ENPP3: variants seen among roughly 807,000 people sequenced by gnomAD.
ENPP3 encodes ectonucleotide pyrophosphatase/phosphodiesterase 3.
In ENPP3, 104 loss-of-function variants were observed where a neutral mutation model predicts 117.8. The ratio of observed to expected loss-of-function variants is 0.88; its 90% CI spans 0.75 to 1.04. The LOEUF (loss-of-function observed/expected upper bound fraction) is 1.04. Among genes scored for constraint, ENPP3 ranks in the 50% least tolerant of loss-of-function variants. ENPP3 has a pLI of 0.00. For missense variants in ENPP3, 1,026 were observed against 1,051.9 expected (o/e 0.98, Z 0.34); for synonymous variants, 380 against 349.9 (o/e 1.09, Z -0.96).
At position 131,674,529 on chromosome 6, in the gene ENPP3, A is replaced by G. The variant is rs1466226918; in HGVS notation, c.762+248A>G. 3 of 499,856 alleles carry G rather than the reference A, an allele frequency of 6.0e-6. No homozygotes were observed. In the East Asian group the frequency reaches 1.1e-4, roughly 18 times the overall value. 31.0% of individuals were successfully genotyped at this position (499,856 alleles called of 1,614,324 possible). Reference sequence around the variant, plus strand: ...GTATCCATCTGGAAGTTACTCAGAAAGATTATCTGTTAATGTTTTTCCTCA... The same window carrying G: ...GTATCCATCTGGAAGTTACTCAGAAGGATTATCTGTTAATGTTTTTCCTCA... On this transcript the variant is annotated intron_variant, in intron 8 of 24. Transcript: ENST00000357639.
At chr6:131,745,601 A>T (rs528599250) in intron 24 of ENPP3, among the ~76,000 whole-genome samples, 2 of 152,264 alleles carry the variant, frequency 1.3e-5, no homozygotes, top group Non-Finnish European at 2.9e-5. Context: ...TAACTTTCAT[A>T]TTGTAAAAAA....
intron 11 of ENPP3, among the ~76,000 whole-genome samples, chr6:131,682,423 G>C (rs1779042416): frequency 6.6e-6 from 1 of 152,148 alleles, no homozygotes; most frequent in South Asian, 2.1e-4. Context: ...TAGTCCATAA[G>C]ATCAAAGCTG....
chr6:131,720,997 A>T (rs1010834065), intron 17 of ENPP3, among the ~76,000 whole-genome samples: 6 of 152,200 alleles, frequency 3.9e-5, no homozygotes, highest in Admixed American at 3.3e-4. Context: ...TTTTCAAAGC[A>T]AGACAAACTT....
At chr6:131,717,351 G>GTGTGT (rs1779917504) in intron 15 of ENPP3, among the ~76,000 whole-genome samples, 28 of 89,426 alleles carry the variant, frequency 3.1e-4, no homozygotes, top group Non-Finnish European at 3.6e-4. Flanking sequence ...CCCTGCGGGG[G>GTGTGT]GTGTGTGTGT....
At chr6:131,642,565 C>T (rs1375072880) in intron 2 of ENPP3, among the ~76,000 whole-genome samples, 2 of 151,738 alleles carry the variant, frequency 1.3e-5, no homozygotes, top group Admixed American at 6.6e-5. Context: ...CATTCATGTC[C>T]CCCCGCTTTT....
intron 6 of ENPP3, among the ~76,000 whole-genome samples, chr6:131,665,281 C>T (rs1326408033): frequency 2.6e-5 from 4 of 152,046 alleles, no homozygotes; most frequent in African/African-American, 9.7e-5. Flanking sequence ...AAAGCATTCT[C>T]TTGGTCTTCA....
intron 2 of ENPP3, among the ~76,000 whole-genome samples, chr6:131,646,215 G>T (rs1244613264): frequency 1.3e-5 from 2 of 150,786 alleles, no homozygotes; most frequent in African/African-American, 4.9e-5. Flanking sequence ...AAAAATTATA[G>T]TTCTCTTTCT....
rs367755420 is a variant in ENPP3 at position 131,722,381 on chromosome 6, C to T, written c.1722C>T (p.Asp574=). ...FANPLPTESL[D]CFCPHLQNST... is the part of the protein sequence containing the mutation. ...ATCCATTGCCCACAGAGTCTCTTGA[C>T]TGTTTCTGCCCTCACCTACAAAATG... Residue 574 remains aspartate (D), a synonymous_variant, in exon 18 of 25, where the codon GAC becomes GAT. Transcript: ENST00000357639. The T allele has an allele frequency of 1.2e-6, 2 of 1,613,924 alleles. No homozygotes were observed.
chr6:131,731,427 C>T (rs1481957104), intron 20 of ENPP3, among the ~76,000 whole-genome samples: 5 of 152,192 alleles, frequency 3.3e-5, no homozygotes, highest in African/African-American at 7.2e-5. Context: ...TCTAATCTGA[C>T]TCAGCATATA....
At chr6:131,649,673 A>G (rs1311871087) in intron 2 of ENPP3, among the ~76,000 whole-genome samples, 1 of 152,166 alleles carries the variant, frequency 6.6e-6, no homozygotes, top group Non-Finnish European at 1.5e-5. Flanking sequence ...CTCCTGCCTC[A>G]GTCTCCCAAG....
intron 2 of ENPP3, among the ~76,000 whole-genome samples, chr6:131,646,243 A>G (rs1169422296): frequency 3.3e-5 from 5 of 150,212 alleles, no homozygotes; most frequent in Admixed American, 3.3e-4. Flanking sequence ...TTGACGCAGT[A>G]TCTTCTCTCT....
chr6:131,700,725 T>G (rs369990193), intron 15 of ENPP3: 2 of 1,555,152 alleles, frequency 1.3e-6, no homozygotes, highest in Non-Finnish European at 1.7e-6. Flanking sequence ...TGATTGGATC[T>G]GAAGGATAGC....
intron 2 of ENPP3, among the ~76,000 whole-genome samples, chr6:131,643,943 CTGTGTGTG>C (rs60828787): frequency 7.0e-5 from 10 of 142,978 alleles, no homozygotes; most frequent in Admixed American, 1.4e-4. Flanking sequence ...GTGTGTGTGT[CTGTGTGTG>C]TGTGTGTGTG....
chr6:131,674,642 G>A lies in ENPP3; in HGVS notation c.762+361G>A, dbSNP rs1020757870. On this transcript the variant is annotated intron_variant, in intron 8 of 24. Coordinates refer to ENST00000357639, the MANE Select transcript of ENPP3 (RefSeq NM_005021.5). ...GGCTGGAGTGCAGTGGTGTGATCTC[G>A]GCTTACTGTAACCTCTGCTTCTCAG... Among the ~76,000 whole-genome samples, 25 of 149,464 alleles carry A rather than the reference G, an allele frequency of 1.7e-4. No homozygotes were observed. In the East Asian group the frequency reaches 3.7e-3, roughly 22 times the overall value.
At chr6:131,743,924 C>A (rs146012820) in intron 24 of ENPP3, among the ~76,000 whole-genome samples, 1 of 152,184 alleles carries the variant, frequency 6.6e-6, no homozygotes. Context: ...CATTCACAAA[C>A]TGTTTCTTAG....
chr6:131,692,921 C>CA (rs1410105421), intron 14 of ENPP3, among the ~76,000 whole-genome samples: 1 of 140,440 alleles, frequency 7.1e-6, no homozygotes, highest in African/African-American at 2.6e-5. Context: ...ATATATTATA[C>CA]ACTATATATG....
intron 23 of ENPP3, among the ~76,000 whole-genome samples, chr6:131,739,811 C>T (rs889150923): frequency 1.3e-5 from 2 of 151,404 alleles, no homozygotes; most frequent in Non-Finnish European, 2.9e-5. Context: ...TGGCTCACGC[C>T]TGTCATGCCA....
At chr6:131,722,626 C>T (rs539160185) in intron 18 of ENPP3, among the ~76,000 whole-genome samples, 8 of 152,314 alleles carry the variant, frequency 5.3e-5, no homozygotes, top group Admixed American at 3.9e-4. Context: ...CTGGAAAGCA[C>T]TGTTTGGTAA....
At position 131,745,261 on chromosome 6, in the gene ENPP3, C is replaced by T. The variant is rs891060633; in HGVS notation, c.2458-1525C>T. Among the ~76,000 whole-genome samples the T allele has an allele frequency of 1.1e-4, 17 of 149,082 alleles. No homozygotes were observed. The East Asian group carries it at 2.9e-3, about 26-fold the overall frequency. ...ATTGAAAGAAATAACTCTAACATGG[C>T]GCATTTTTTTTTTTTTAATATTAGC... On this transcript the variant is annotated intron_variant, in intron 24 of 24. Transcript: ENST00000357639.
Sources: allele counts gnomAD v4.1 joint callset (sites outside exome capture counted in the v4.1 genomes callset), GRCh38; gene constraint gnomAD v4.1.1; transcripts MANE v1.5; gene names NCBI Gene and HGNC (gene_info 2026-07-23, HGNC 2026-07-21).